The following EIF3F variants were observed in gnomAD, a reference collection of about 807,000 sequenced individuals.
The protein encoded by EIF3F is eukaryotic translation initiation factor 3 subunit F, also known as deubiquitinating enzyme eIF3f.
A neutral mutation model predicts 36.0 loss-of-function variants in EIF3F; 8 were observed. The ratio of observed to expected loss-of-function variants is 0.22; its 90% CI spans 0.13 to 0.40. The LOEUF (loss-of-function observed/expected upper bound fraction) is 0.40. EIF3F is among the 10% of genes least tolerant of loss of function. The probability of loss-of-function intolerance (pLI) is 1.00; values close to 1 mark genes in which losing one functional copy is unlikely to be tolerated. For synonymous variants in EIF3F, 184 were observed against 188.5 expected, an observed-to-expected ratio of 0.98 and a Z score of 0.19; for missense variants, 430 against 467.6, an observed-to-expected ratio of 0.92 and a Z score of 0.74.
chr11:7,989,334 C>T (rs775724998), intron 1 of EIF3F, among the ~76,000 whole-genome samples: 12 of 152,190 alleles, frequency 7.9e-5, no homozygotes, highest in Admixed American at 1.3e-4. Flanking sequence ...TATGCTTTAG[C>T]GCCCCAAATA....
chr11:7,997,116 C>T lies in EIF3F; in HGVS notation c.*1094C>T, dbSNP rs111749827. The T allele has an allele frequency of 1.8e-3, 272 of 152,164 alleles. No homozygotes were observed. The highest frequency in any genetic ancestry group is 6.2e-3 in the African/African-American group (259 of 41,494). The allele number at this position is 152,164 out of a possible 1,614,324, so 9.4% of individuals were successfully genotyped here. On this transcript the variant is annotated 3_prime_UTR_variant, in exon 8 of 8. Transcript: ENST00000651655. Reference sequence around the variant, plus strand: ...CTGGAACTCAGTTCTGAGATATGTACCTCAGGAAATATAAGTTATGGGAGT... The same window carrying T: ...CTGGAACTCAGTTCTGAGATATGTATCTCAGGAAATATAAGTTATGGGAGT...
rs1942144424 is a variant in EIF3F, at chr11:7,995,003, G to C, written c.767G>C (p.Cys256Ser). The C allele has an allele frequency of 1.2e-6, 2 of 1,613,538 alleles. No homozygotes were observed. Among genetic ancestry groups the C allele is most frequent in the Non-Finnish European group, 1.7e-6 (2 of 1,179,856 alleles). ...ATAGTTGACCTGATCATGAAGACCT[G>C]CTTTAGCCCCAACAGAGTGATTGGA... ...RIGVDLIMKT[C>S]FSPNRVIGLS... is the part of the protein sequence containing the mutation. The change falls in exon 6 of 8, where the codon TGC becomes TCC. Residue 256 changes from cysteine to serine, a missense_variant. By Grantham distance (112) the Cys-to-Ser change is moderately radical. Around this residue, in one of 2 missense-constraint regions of EIF3F, gnomAD observed 262 missense variants for 347.4 expected, o/e 0.75. Transcript: ENST00000651655.
intron 7 of EIF3F, chr11:7,995,708 T>A (rs1032600606): frequency 2.5e-5 from 15 of 597,946 alleles, no homozygotes; most frequent in African/African-American, 2.2e-4. Context: ...CTATATTCCA[T>A]CCATGGGTTT....
chr11:7,987,845 A>G lies in EIF3F; in HGVS notation c.364+129A>G, dbSNP rs1942045632. On this transcript the variant is annotated intron_variant, in intron 1 of 7. Coordinates refer to ENST00000651655, the MANE Select transcript of EIF3F (RefSeq NM_003754.3). ...TTCCTCCCATCCCCAATGACCTCTT[A>G]ATCTATATCTGCATCCTACCTTTTG... The G allele has an allele frequency of 2.3e-6, 3 of 1,297,066 alleles. No individual in the cohort carries two copies. The Admixed American group carries it at 1.2e-4, about 50-fold the overall frequency. 80.3% of individuals were successfully genotyped at this position (1,297,066 alleles called of 1,614,324 possible).
intron 6 of EIF3F, 26 bp downstream of exon 6, chr11:7,995,144 G>A (rs202081105): frequency 2.6e-5 from 42 of 1,612,274 alleles, no homozygotes; most frequent in Non-Finnish European, 3.5e-5. Flanking sequence ...AAAAACAAAG[G>A]GGGAGGACAT....
chr11:7,990,898 A>G (rs559526816), intron 1 of EIF3F, among the ~76,000 whole-genome samples: 47 of 146,176 alleles, frequency 3.2e-4, no homozygotes, highest in South Asian at 9.0e-4. Flanking sequence ...TAAATAAATA[A>G]ATAAAAGAAA....
In EIF3F at chr11:7,995,430, A is replaced by C; in HGVS notation, c.996+63A>C. 5 of 1,336,626 alleles carry C rather than the reference A, an allele frequency of 3.7e-6. No individual in the cohort carries two copies. The South Asian group carries it at 5.9e-5, about 16-fold the overall frequency. 82.8% of individuals were successfully genotyped at this position (1,336,626 alleles called of 1,614,324 possible). A position where few individuals can be genotyped will look rare whatever the true frequency, so the allele number is the denominator to read the frequency against. On this transcript the variant is annotated intron_variant, in intron 7 of 7. Transcript: ENST00000651655. ...TTCCCCCACCTCAGCACATACACTC[A>C]AATGTGAAAAGAGTTGGGTGAGGTG... is the stretch of plus-strand genomic sequence containing the variant.
In EIF3F at chr11:7,997,306, A is replaced by G. The variant is rs766572799; in HGVS notation, c.*1284A>G. 6.6e-6 allele frequency: 1 copy of G among 152,196 alleles called. No homozygotes were observed. Among genetic ancestry groups the G allele is most frequent in the Non-Finnish European group, 1.5e-5 (1 of 68,030 alleles). 9.4% of individuals were successfully genotyped at this position (152,196 alleles called of 1,614,324 possible). ...AGTCAAAATGTTTCAGTGTTCTTAC[A>G]TTTTTGGGAGTAGCCAGTTAATATC... On this transcript the variant is annotated 3_prime_UTR_variant, in exon 8 of 8. Coordinates refer to ENST00000651655, the MANE Select transcript of EIF3F (RefSeq NM_003754.3).
intron 4 of EIF3F, 105 bp downstream of exon 4, chr11:7,993,129 T>G: frequency 7.6e-7 from 1 of 1,308,296 alleles, no homozygotes; most frequent in East Asian, 2.7e-5. Flanking sequence ...TGCTGTGTCC[T>G]TAGGAAGCCT....
chr11:7,988,469 T>A (rs1942054008), intron 1 of EIF3F, among the ~76,000 whole-genome samples: 1 of 152,240 alleles, frequency 6.6e-6, no homozygotes, highest in African/African-American at 2.4e-5. Context: ...GTGTTCCAAA[T>A]TTGGGGAATA....
At chr11:7,995,849 C>T in intron 7 of EIF3F, 96 bp from the exon 8 acceptor site, 1 of 934,850 alleles carries the variant, frequency 1.1e-6, no homozygotes, top group Non-Finnish European at 1.8e-6. Flanking sequence ...CACAGCTGTC[C>T]TCATACCCAG....
chr11:7,991,201 A>G (rs1199677833), intron 1 of EIF3F, among the ~76,000 whole-genome samples: 1 of 152,076 alleles, frequency 6.6e-6, no homozygotes, highest in Non-Finnish European at 1.5e-5. Context: ...TCAGAAAAAA[A>G]AAAAAGAAAA....
In EIF3F at chr11:7,999,130, C is replaced by G. The variant is rs901819416; in HGVS notation, c.*3108C>G. The G allele has an allele frequency of 6.6e-6, 1 of 152,156 alleles. No individual in the cohort carries two copies. The highest frequency in any genetic ancestry group is 2.4e-5 in the African/African-American group (1 of 41,408). The allele number at this position is 152,156 out of a possible 1,614,324, so 9.4% of individuals were successfully genotyped here. A position where few individuals can be genotyped will look rare whatever the true frequency, so the allele number is the denominator to read the frequency against. ...ACAAAAAATACAAAAATTAGCCAGG[C>G]GTGGTGGCACGCACCTGTAGTCCCA... On this transcript the variant is annotated 3_prime_UTR_variant, in exon 8 of 8. Coordinates refer to ENST00000651655, the MANE Select transcript of EIF3F (RefSeq NM_003754.3).
rs1942215304 is a variant in EIF3F, at chr11:8,001,034, G to A, written c.*5012G>A. On this transcript the variant is annotated 3_prime_UTR_variant, in exon 8 of 8. Transcript: ENST00000651655. ...ATTTGCAGTTCATATCAAAAAAAGG[G>A]CTAATATTCTTGTCCCAGAATTCCT... 1 of 152,088 alleles carries A rather than the reference G, an allele frequency of 6.6e-6. No homozygotes were observed. Among genetic ancestry groups the A allele is most frequent in the Admixed American group, 6.6e-5 (1 of 15,266 alleles). The allele number at this position is 152,088 out of a possible 1,614,324, so 9.4% of individuals were successfully genotyped here.
Position 7,998,921 on chromosome 11 carries a change from C to T in EIF3F, c.*2899C>T, listed in dbSNP as rs1435850444. The T allele has an allele frequency of 6.6e-6, 1 of 151,986 alleles. No individual in the cohort carries two copies. The highest frequency in any genetic ancestry group is 2.4e-5 in the African/African-American group (1 of 41,344). 9.4% of individuals were successfully genotyped at this position (151,986 alleles called of 1,614,324 possible). A position where few individuals can be genotyped will look rare whatever the true frequency, so the allele number is the denominator to read the frequency against. ...TGTGGTGTTATTACTTAGCGTTATT[C>T]TAGACTTATTAGCCATTGTATTTAA... is the stretch of plus-strand genomic sequence containing the variant. On this transcript the variant is annotated 3_prime_UTR_variant, in exon 8 of 8. Transcript: ENST00000651655.
Position 7,999,964 on chromosome 11 carries a change from G to GAGGCCAAGGCAGGTGGATC in EIF3F, c.*3944_*3962dup, listed in dbSNP as rs1256596567. 1 of 152,310 alleles carries GAGGCCAAGGCAGGTGGATC rather than the reference G, an allele frequency of 6.6e-6. No homozygotes were observed. Among genetic ancestry groups the GAGGCCAAGGCAGGTGGATC allele is most frequent in the Non-Finnish European group, 1.5e-5 (1 of 68,122 alleles). 9.4% of individuals were successfully genotyped at this position (152,310 alleles called of 1,614,324 possible). ...CACGCCTGTAATCCCAGCACTTTGG[G>GAGGCCAAGGCAGGTGGATC]AGGCCAAGGCAGGTGGATCATTTGA... is the stretch of plus-strand genomic sequence containing the variant. On this transcript the variant is annotated 3_prime_UTR_variant, in exon 8 of 8. Coordinates refer to ENST00000651655, the MANE Select transcript of EIF3F (RefSeq NM_003754.3).
chr11:7,992,287 T>C (rs1398629565), intron 3 of EIF3F, 124 bp downstream of exon 3: 1 of 866,326 alleles, frequency 1.2e-6, no homozygotes, highest in African/African-American at 1.7e-5. Flanking sequence ...AGTGTATTAC[T>C]GACTGTGAGC....
rs747544996 is a variant in EIF3F, at chr11:7,994,414, C to T, written c.654-12C>T. The T allele has an allele frequency of 1.3e-5, 21 of 1,612,838 alleles. No homozygotes were observed. Among genetic ancestry groups the T allele is most frequent in the African/African-American group, 4.0e-5 (3 of 74,896 alleles). ...CAAGGCCATCTGTTTACTTTGGCTT[C>T]TCCTTCCGCAGCACTTTAATGGGAG... is the stretch of plus-strand genomic sequence containing the variant. On this transcript the variant is annotated splice_polypyrimidine_tract_variant and intron_variant, in intron 4 of 7. Coordinates refer to ENST00000651655, the MANE Select transcript of EIF3F (RefSeq NM_003754.3).
In EIF3F at chr11:7,997,781, T is replaced by C. The variant is rs1942176735; in HGVS notation, c.*1759T>C. ...AGACATGCGGTTGGCTGTCTGTATA[T>C]GTGGGTTCCACATCTATGGACTCAA... On this transcript the variant is annotated 3_prime_UTR_variant, in exon 8 of 8. Transcript: ENST00000651655. The C allele has an allele frequency of 6.6e-6, 1 of 152,240 alleles. No individual in the cohort carries two copies. Among genetic ancestry groups the C allele is most frequent in the African/African-American group, 2.4e-5 (1 of 41,454 alleles). 9.4% of individuals were successfully genotyped at this position (152,240 alleles called of 1,614,324 possible). A position where few individuals can be genotyped will look rare whatever the true frequency, so the allele number is the denominator to read the frequency against.
Sources: gnomAD v4.1 joint callset for allele counts (sites outside exome capture counted in the v4.1 genomes callset) on GRCh38, gnomAD v4.1.1 for gene constraint, gnomAD v4.1.1 regional missense constraint, MANE v1.5 for transcripts, NCBI Gene and HGNC (gene_info 2026-07-23, HGNC 2026-07-21) for gene names.